The following DSE variants were observed in gnomAD, a reference collection of about 807,000 sequenced individuals.
DSE encodes the protein dermatan sulfate epimerase.
DSE carries 36 observed loss-of-function variants against 84.4 expected under a neutral mutation model. That is an observed-to-expected ratio of 0.43 (90% CI 0.33 to 0.56). DSE has a LOEUF of 0.56. Ranked by LOEUF, DSE falls within the 20% of genes least tolerant of loss-of-function variation. DSE has a pLI of 0.06. For synonymous variants in DSE, 410 were observed against 430.1 expected, an observed-to-expected ratio of 0.95 and a Z score of 0.58; for missense variants, 862 against 1,169.6, an observed-to-expected ratio of 0.74 and a Z score of 3.84.
chr6:116,383,555 C>T (rs1402169889), intron 1 of DSE, among the ~76,000 whole-genome samples: 1 of 152,222 alleles, frequency 6.6e-6, no homozygotes, highest in Non-Finnish European at 1.5e-5. Context: ...TGTGCATGCA[C>T]ACAGACATGG....
chr6:116,284,400 G>A (rs1242750812), intron 2 of DSE, among the ~76,000 whole-genome samples: 1 of 152,164 alleles, frequency 6.6e-6, no homozygotes, highest in East Asian at 1.9e-4. Flanking sequence ...GGCAAAGAGA[G>A]ACTGTCACTT....
chr6:116,430,565 G>A (rs1270691808), intron 3 of DSE, among the ~76,000 whole-genome samples: 2 of 150,768 alleles, frequency 1.3e-5, no homozygotes, highest in African/African-American at 2.4e-5. Context: ...TTTTTGAGAC[G>A]GAGTCTCGCT....
chr6:116,259,091 G>T, intron 2 of DSE: 1 of 1,543,620 alleles, frequency 6.5e-7, no homozygotes, highest in Non-Finnish European at 8.9e-7. Flanking sequence ...GCCACTGCTG[G>T]TGCTGCTGTC....
At chr6:116,350,174 A>C (rs1434035036) in intron 2 of DSE, among the ~76,000 whole-genome samples, 3 of 152,172 alleles carry the variant, frequency 2.0e-5, no homozygotes, top group Non-Finnish European at 2.9e-5. Context: ...GATTTATCTC[A>C]TAAGAGAACA....
chr6:116,434,604 G>A (rs907839038), intron 5 of DSE, among the ~76,000 whole-genome samples: 1 of 152,152 alleles, frequency 6.6e-6, no homozygotes, highest in African/African-American at 2.4e-5. Flanking sequence ...TTAATGCTAA[G>A]TCTAACTTAA....
At chr6:116,336,013 C>T (rs953900510) in intron 2 of DSE, among the ~76,000 whole-genome samples, 1 of 152,122 alleles carries the variant, frequency 6.6e-6, no homozygotes, top group Non-Finnish European at 1.5e-5. Context: ...CAATGGATTC[C>T]CATAAACTGT....
At chr6:116,307,242 A>G (rs1775403343) in intron 2 of DSE, among the ~76,000 whole-genome samples, 1 of 151,902 alleles carries the variant, frequency 6.6e-6, no homozygotes, top group South Asian at 2.1e-4. Context: ...GAACCTGACC[A>G]CTCCAATCAT....
rs1032624917 is a variant in DSE, at chr6:116,438,789, G to C, written c.*1444G>C. 1 of 152,138 alleles carries C rather than the reference G, an allele frequency of 6.6e-6. No homozygotes were observed. The highest frequency in any genetic ancestry group is 1.5e-5 in the Non-Finnish European group (1 of 68,004). The allele number at this position is 152,138 out of a possible 1,614,324, so 9.4% of individuals were successfully genotyped here. ...GCTCTTTTAGTTCACAGCAATACCA[G>C]TATGTAACCAAAAGACAAGCTAGAG... On this transcript the variant is annotated 3_prime_UTR_variant, in exon 6 of 6. Coordinates refer to ENST00000644252, the MANE Select transcript of DSE (RefSeq NM_013352.4).
At chr6:116,264,391 C>T (rs1368181182) in intron 2 of DSE, among the ~76,000 whole-genome samples, 2 of 152,012 alleles carry the variant, frequency 1.3e-5, no homozygotes, top group African/African-American at 2.4e-5. Flanking sequence ...CCCATGATTG[C>T]ATTATGAAAT....
Position 116,441,986 on chromosome 6 carries a change from G to A in DSE, c.*4641G>A, listed in dbSNP as rs1308135576. The A allele has an allele frequency of 6.6e-6, 1 of 152,358 alleles. No homozygotes were observed. Among genetic ancestry groups the A allele is most frequent in the African/African-American group, 2.4e-5 (1 of 41,440 alleles). The allele number at this position is 152,358 out of a possible 1,614,324, so 9.4% of individuals were successfully genotyped here. A position where few individuals can be genotyped will look rare whatever the true frequency, so the allele number is the denominator to read the frequency against. On this transcript the variant is annotated 3_prime_UTR_variant, in exon 6 of 6. Coordinates refer to ENST00000644252, the MANE Select transcript of DSE (RefSeq NM_013352.4). Reference sequence around the variant, plus strand: ...AGGATGTCAAGTAGTGGTAAGTACTGTGGAGAATAAAGCAAGGGGAGGGGA... The same window carrying A: ...AGGATGTCAAGTAGTGGTAAGTACTATGGAGAATAAAGCAAGGGGAGGGGA...
chr6:116,316,735 A>G (rs1391295213), intron 2 of DSE, among the ~76,000 whole-genome samples: 2 of 152,138 alleles, frequency 1.3e-5, no homozygotes, highest in East Asian at 3.9e-4. Context: ...GAAACTAATT[A>G]CAGAAAGGAA....
intron 2 of DSE, among the ~76,000 whole-genome samples, chr6:116,291,978 A>G (rs1389247352): frequency 6.6e-6 from 1 of 152,192 alleles, no homozygotes; most frequent in Non-Finnish European, 1.5e-5. Context: ...AGAGATCAAC[A>G]GTTCAGCTAC....
In DSE at chr6:116,436,354, C is replaced by T. The variant is rs1171593245; in HGVS notation, c.1886C>T (p.Thr629Ile). 1 of 1,614,170 alleles carries T rather than the reference C, an allele frequency of 6.2e-7. No homozygotes were observed. Among genetic ancestry groups the T allele is most frequent in the Admixed American group, 1.7e-5 (1 of 60,020 alleles). The change falls in exon 6 of 6, where the codon ACC (threonine) becomes ATC (isoleucine). Residue 629 changes from threonine to isoleucine, a missense_variant. Around this residue, in one of 4 missense-constraint regions of DSE, gnomAD observed 186 missense variants for 255.1 expected, o/e 0.73. Coordinates refer to ENST00000644252, the MANE Select transcript of DSE (RefSeq NM_013352.4). ...MDDTGYSEKA[T>I]FASVTYPRGY... The stretch of plus-strand genomic sequence containing the variant: ...GATACTGGCTACAGCGAGAAAGCAA[C>T]CTTTGCCTCAGTGACATATCCTCGG...
chr6:116,370,473 A>T (rs1583109618), upstream of DSE: 1 of 986,850 alleles, frequency 1.0e-6, no homozygotes. Flanking sequence ...GGGAGGAGGC[A>T]GACTGGAGTG....
intron 2 of DSE, among the ~76,000 whole-genome samples, chr6:116,350,860 G>A (rs1456333449): frequency 6.6e-6 from 1 of 151,124 alleles, no homozygotes; most frequent in African/African-American, 2.4e-5. Flanking sequence ...TAGACATGAC[G>A]AACATAGACT....
chr6:116,255,022 A>G (rs529318916), intron 1 of DSE: 1 of 152,342 alleles, frequency 6.6e-6, no homozygotes, highest in South Asian at 2.1e-4. Context: ...GTTATTGTCT[A>G]TTCGAGTCAG....
In DSE at chr6:116,441,248, T is replaced by C. The variant is rs904470093; in HGVS notation, c.*3903T>C. The C allele has an allele frequency of 3.9e-5, 6 of 152,208 alleles. No individual in the cohort carries two copies. The highest frequency in any genetic ancestry group is 1.4e-4 in the African/African-American group (6 of 41,458). 9.4% of individuals were successfully genotyped at this position (152,208 alleles called of 1,614,324 possible). On this transcript the variant is annotated 3_prime_UTR_variant, in exon 6 of 6. Coordinates refer to ENST00000644252, the MANE Select transcript of DSE (RefSeq NM_013352.4). ...ATAGTCACTATGTGAAGAATAAAAATAGACAAAGTTGCATTATGACTTTTC... is the reference window on the plus strand; with the variant it reads ...ATAGTCACTATGTGAAGAATAAAAACAGACAAAGTTGCATTATGACTTTTC...
At chr6:116,391,850 A>ACG (rs1780930982) in intron 1 of DSE, among the ~76,000 whole-genome samples, 2 of 151,936 alleles carry the variant, frequency 1.3e-5, no homozygotes, top group Non-Finnish European at 2.9e-5. Flanking sequence ...CAGGGAGTAT[A>ACG]ATTTTAGGGA....
At chr6:116,415,309 AC>A (rs35894485) in intron 2 of DSE, among the ~76,000 whole-genome samples, 30,304 of 152,046 alleles carry the variant, frequency 0.2, 4,094 homozygotes, top group Middle Eastern at 0.32. Flanking sequence ...GAGATGTCTG[AC>A]CCCACTATTC....
Sources: allele counts gnomAD v4.1 joint callset (sites outside exome capture counted in the v4.1 genomes callset), GRCh38; gene constraint gnomAD v4.1.1; regional missense constraint gnomAD v4.1.1; transcripts MANE v1.5; gene names NCBI Gene and HGNC (gene_info 2026-07-23, HGNC 2026-07-21).